The following SHC2 variants were observed in gnomAD, a reference collection of about 807,000 sequenced individuals.
SHC2 encodes SHC-transforming protein 2.
SHC2 carries 62 observed loss-of-function variants against 60.6 expected under a neutral mutation model. The observed-to-expected ratio is 1.02, with a 90% CI of 0.83 to 1.26. SHC2 has a LOEUF of 1.26. Ranked by LOEUF, SHC2 falls within the 50% of genes most tolerant of loss-of-function variation. SHC2 has a pLI of 0.00. For synonymous variants in SHC2, 375 were observed against 372.4 expected (o/e 1.01, Z -0.08); for missense variants, 873 against 822.2 (o/e 1.06, Z -0.76).
In SHC2 at chr19:441,048, G is replaced by C. The variant is rs891584465; in HGVS notation, c.469-116C>G. 2.6e-6 allele frequency: 4 copies of C among 1,515,572 alleles called. No homozygotes were observed. In the Admixed American group the frequency reaches 7.3e-5, roughly 28 times the overall value. 93.9% of individuals were successfully genotyped at this position (1,515,572 alleles called of 1,614,324 possible). A position where few individuals can be genotyped will look rare whatever the true frequency, so the allele number is the denominator to read the frequency against. On this transcript the variant is annotated intron_variant, in intron 1 of 12. Coordinates refer to ENST00000264554, the MANE Select transcript of SHC2 (RefSeq NM_012435.3). The surrounding 1 kb of genome is among the most constrained non-coding windows in gnomAD (Gnocchi z 4.9). ...CCCCTGGGGTCGAGCCCTTTCCTCT[G>C]TCCCTGGTGGCTCTGGGGCCGTCGT...
intron 1 of SHC2, among the ~76,000 whole-genome samples, chr19:448,989 CAA>C (rs879686895): frequency 7.8e-6 from 1 of 128,176 alleles, no homozygotes. Flanking sequence ...CCCGTCTCTA[CAA>C]AAAAAAAAAA....
chr19:425,009 C>A lies in SHC2; in HGVS notation c.1309+88G>T. 1 of 1,291,900 alleles carries A rather than the reference C, an allele frequency of 7.7e-7. No homozygotes were observed. The highest frequency in any genetic ancestry group is 1.0e-6 in the Non-Finnish European group (1 of 996,564). 80.0% of individuals were successfully genotyped at this position (1,291,900 alleles called of 1,614,324 possible). On this transcript the variant is annotated intron_variant, in intron 10 of 12. Transcript: ENST00000264554. The surrounding 1 kb of genome is among the most constrained non-coding windows in gnomAD (Gnocchi z 4.1). ...AGCCTCCCCCATCAGACCAGGGAAT[C>A]CCGTAGGGAGTGGGGGTGGGGTTGT...
intron 11 of SHC2, among the ~76,000 whole-genome samples, chr19:420,612 A>G (rs1158318070): frequency 6.6e-6 from 1 of 152,268 alleles, no homozygotes; most frequent in Non-Finnish European, 1.5e-5. Flanking sequence ...AAGATGCGCC[A>G]TGATTTTAGG....
Position 439,004 on chromosome 19 carries a change from G to C in SHC2, c.566C>G (p.Ala189Gly). The change falls in exon 3 of 13, where the codon GCC (alanine) becomes GGC (glycine). Residue 189 changes from alanine to glycine, a missense_variant. Transcript: ENST00000264554. ...CCAGGATCCCCGGACGCCAGGCACGGCCTCATGGAGCCGGTTGATGGCTTC... is the reference window on the plus strand; with the variant it reads ...CCAGGATCCCCGGACGCCAGGCACGCCCTCATGGAGCCGGTTGATGGCTTC... ...TREAINRLHE[A>G]VPGVRGSWKK... The C allele has an allele frequency of 6.3e-6, 10 of 1,597,988 alleles. No individual in the cohort carries two copies. Among genetic ancestry groups the C allele is most frequent in the Non-Finnish European group, 6.8e-6 (8 of 1,172,960 alleles).
At chr19:437,427 C>T (rs1442669422) in intron 4 of SHC2, among the ~76,000 whole-genome samples, 3 of 152,120 alleles carry the variant, frequency 2.0e-5, no homozygotes, top group African/African-American at 7.2e-5. Context: ...ATTTGCTTCC[C>T]GTCACTCAAA....
At chr19:452,431 TGGG>T (rs1253064060) in intron 1 of SHC2, among the ~76,000 whole-genome samples, 1 of 125,830 alleles carries the variant, frequency 7.9e-6, no homozygotes, top group Non-Finnish European at 1.7e-5. Context: ...CGTACTGACT[TGGG>T]GGGAATTCCT....
Position 436,360 on chromosome 19 carries a change from G to A in SHC2, c.826+20C>T, listed in dbSNP as rs1420964566. The stretch of plus-strand genomic sequence containing the variant: ...GCCCCCCAGCCACAGGACCCCCACC[G>A]GCCTCCCCGGGGGCCTCACCTCTCT... On this transcript the variant is annotated intron_variant, in intron 6 of 12. Coordinates refer to ENST00000264554, the MANE Select transcript of SHC2 (RefSeq NM_012435.3). 2.6e-5 allele frequency: 42 copies of A among 1,596,168 alleles called. No individual in the cohort carries two copies. The highest frequency in any genetic ancestry group is 7.8e-5 in the South Asian group (7 of 90,140).
chr19:430,646 T>C (rs761891486), intron 9 of SHC2, 38 bp downstream of exon 9: 161 of 1,584,132 alleles, frequency 1.0e-4, no homozygotes, highest in Non-Finnish European at 1.3e-4. Flanking sequence ...AGCCCCAGAA[T>C]CCTCGTGGGT....
At chr19:431,623 T>A in intron 8 of SHC2, among the ~76,000 whole-genome samples, 1 of 34,684 alleles carries the variant, frequency 2.9e-5, no homozygotes, top group Non-Finnish European at 4.6e-5. Context: ...TCATCGTGAG[T>A]GAGATCGTGA....
In SHC2 at chr19:445,051, C is replaced by T. The variant is rs759384789; in HGVS notation, c.469-4119G>A. ...AAGAGGCGGGGACCTCAGCTCACTGCATGTCCCACGCTCCACGGCGCCCAG... is the reference window on the plus strand; with the variant it reads ...AAGAGGCGGGGACCTCAGCTCACTGTATGTCCCACGCTCCACGGCGCCCAG... On this transcript the variant is annotated intron_variant, in intron 1 of 12. Transcript: ENST00000264554. This position sits in a 1 kb window ranked among gnomAD's most constrained non-coding sequence, Gnocchi z 4.4. Among the ~76,000 whole-genome samples, 15 of 152,262 alleles carry T rather than the reference C, an allele frequency of 9.9e-5. No individual in the cohort carries two copies. Among genetic ancestry groups the T allele is most frequent in the Admixed American group, 2.0e-4 (3 of 15,290 alleles).
chr19:458,301 G>A (rs1192358995), intron 1 of SHC2, among the ~76,000 whole-genome samples: 27 of 116,982 alleles, frequency 2.3e-4, no homozygotes, highest in Admixed American at 5.1e-4. Flanking sequence ...CCGGGGAGGC[G>A]GAAGCGGGTC....
At chr19:447,237 C>T (rs1488150391) in intron 1 of SHC2, among the ~76,000 whole-genome samples, 1 of 145,542 alleles carries the variant, frequency 6.9e-6, no homozygotes, top group African/African-American at 2.5e-5. Flanking sequence ...GATCCCATTT[C>T]TATGAAGTGG....
Position 425,007 on chromosome 19 carries a change from A to G in SHC2, c.1309+90T>C. The G allele has an allele frequency of 3.9e-6, 5 of 1,272,110 alleles. No individual in the cohort carries two copies. The highest frequency in any genetic ancestry group is 5.1e-6 in the Non-Finnish European group (5 of 980,696). 78.8% of individuals were successfully genotyped at this position (1,272,110 alleles called of 1,614,324 possible). A position where few individuals can be genotyped will look rare whatever the true frequency, so the allele number is the denominator to read the frequency against. Reference sequence around the variant, plus strand: ...GGAGCCTCCCCCATCAGACCAGGGAATCCCGTAGGGAGTGGGGGTGGGGTT... The same window carrying G: ...GGAGCCTCCCCCATCAGACCAGGGAGTCCCGTAGGGAGTGGGGGTGGGGTT... On this transcript the variant is annotated intron_variant, in intron 10 of 12. Coordinates refer to ENST00000264554, the MANE Select transcript of SHC2 (RefSeq NM_012435.3). This position sits in a 1 kb window ranked among gnomAD's most constrained non-coding sequence, Gnocchi z 4.1.
rs1023227637 is a variant in SHC2, at chr19:445,180, C to A, written c.469-4248G>T. ...ATCGATCTAGGGCTGAATATCTGTG[C>A]CCCCCTCAAAATCCCTCTGTGGAAA... On this transcript the variant is annotated intron_variant, in intron 1 of 12. Transcript: ENST00000264554. This position sits in a 1 kb window ranked among gnomAD's most constrained non-coding sequence, Gnocchi z 4.4. 6.6e-6 allele frequency among the ~76,000 whole-genome samples: 1 copy of A among 152,200 alleles called. No individual in the cohort carries two copies. Among genetic ancestry groups the A allele is most frequent in the Non-Finnish European group, 1.5e-5 (1 of 68,040 alleles).
rs1462918313 is a variant in SHC2, at chr19:438,525, A to G, written c.720+193T>C. On this transcript the variant is annotated intron_variant, in intron 4 of 12. Transcript: ENST00000264554. This position sits in a 1 kb window ranked among gnomAD's most constrained non-coding sequence, Gnocchi z 5.0. ...GCCCCTGTATCAGGACGGCTCGCCC[A>G]GGTGGGAGCCCCTGAGCTGAGCCCC... Among the ~76,000 whole-genome samples, 2 of 152,146 alleles carry G rather than the reference A, an allele frequency of 1.3e-5. No individual in the cohort carries two copies. The highest frequency in any genetic ancestry group is 2.9e-5 in the Non-Finnish European group (2 of 67,998).
rs377379245 is a variant in SHC2, at chr19:438,783, C to T, written c.655G>A (p.Gly219Ser). The change falls in exon 4 of 13, where the codon GGC (glycine) becomes AGC (serine). Residue 219 changes from glycine (G) to serine (S), a missense_variant. Gly to Ser is a moderately conservative substitution (Grantham distance 56). Coordinates refer to ENST00000264554, the MANE Select transcript of SHC2 (RefSeq NM_012435.3). The surrounding 1 kb of genome is among the most constrained non-coding windows in gnomAD (Gnocchi z 5.0). ...VLGKSNLRFA[G>S]MSISIHISTD... is the part of the protein sequence containing the mutation. ...GAGATGTGGATGGAGATGCTCATGC[C>T]GGCAAAGCGAAGGTTGCTCTTGCCC... The T allele has an allele frequency of 2.5e-4, 398 of 1,576,104 alleles. No individual in the cohort carries two copies. The highest frequency in any genetic ancestry group is 3.3e-4 in the Non-Finnish European group (380 of 1,162,330).
chr19:420,305 G>A (rs957337755), intron 11 of SHC2, among the ~76,000 whole-genome samples: 3 of 152,152 alleles, frequency 2.0e-5, no homozygotes, highest in Non-Finnish European at 2.9e-5. Context: ...CCAGGCCGGG[G>A]TGCACAAGAG....
intron 8 of SHC2, among the ~76,000 whole-genome samples, chr19:434,330 C>G (rs1974654369): frequency 1.4e-4 from 1 of 7,368 alleles, no homozygotes; most frequent in Admixed American, 1.4e-3. Context: ...GATCATGAGT[C>G]TGTGAGTGAG....
chr19:434,691 C>A lies in SHC2; in HGVS notation c.1110+18G>T, dbSNP rs374668872. On this transcript the variant is annotated intron_variant, in intron 8 of 12. Coordinates refer to ENST00000264554, the MANE Select transcript of SHC2 (RefSeq NM_012435.3). Reference sequence around the variant, plus strand: ...CTGGGGCATCCCTGTCCCCATCCCCCCGAGGGCAGAGGCTGACCTGGTCGA... The same window carrying A: ...CTGGGGCATCCCTGTCCCCATCCCCACGAGGGCAGAGGCTGACCTGGTCGA... The A allele has an allele frequency of 8.8e-6, 14 of 1,598,562 alleles. No homozygotes were observed. Among genetic ancestry groups the A allele is most frequent in the East Asian group, 4.5e-5 (2 of 44,400 alleles).
Sources: allele counts gnomAD v4.1 joint callset (sites outside exome capture counted in the v4.1 genomes callset), GRCh38; gene constraint gnomAD v4.1.1; non-coding constraint Gnocchi (gnomAD v3.1); transcripts MANE v1.5; gene names NCBI Gene and HGNC (gene_info 2026-07-23, HGNC 2026-07-21).